The following SLC9A9 variants were observed in gnomAD, a reference collection of about 807,000 sequenced individuals.
SLC9A9 encodes solute carrier family 9 member A9, also known as sodium/hydrogen exchanger 9.
SLC9A9 carries 62 observed loss-of-function variants against 77.8 expected under a neutral mutation model. The observed-to-expected ratio is 0.80, with a 90% CI of 0.65 to 0.98. SLC9A9 has a LOEUF of 0.98. Ranked by LOEUF, SLC9A9 falls within the 50% of genes least tolerant of loss-of-function variation. SLC9A9 has a pLI of 0.00. For synonymous variants in SLC9A9, 320 were observed against 283.5 expected (o/e 1.13, Z -1.29); for missense variants, 775 against 774.9 (o/e 1.00, Z 0.00).
intron 6 of SLC9A9, among the ~76,000 whole-genome samples, chr3:143,628,937 A>G (rs1043500928): frequency 3.3e-5 from 5 of 152,190 alleles, no homozygotes; most frequent in Non-Finnish European, 1.5e-5. Context: ...AATGTAGTTC[A>G]GTTAAGTATA....
intron 4 of SLC9A9, among the ~76,000 whole-genome samples, chr3:143,752,735 G>A (rs1394646542): frequency 1.4e-5 from 2 of 147,848 alleles, no homozygotes; most frequent in East Asian, 2.0e-4. Context: ...GCTTTGTACT[G>A]AGCTTAAGGC....
rs1376601112 is a variant in SLC9A9, at chr3:143,848,417, GAAGA to G, written c.-99_-96del. On this transcript the variant is annotated 5_prime_UTR_variant, in exon 1 of 16. Transcript: ENST00000316549. ...ACAGTCTGACTGCCTGAGAATTTCA[GAAGA>G]AACACTGCCACTTTAGTTGCTACTT... 14 of 1,522,906 alleles carry G rather than the reference GAAGA, an allele frequency of 9.2e-6. No individual in the cohort carries two copies. Among genetic ancestry groups the G allele is most frequent in the Non-Finnish European group, 1.3e-5 (14 of 1,100,440 alleles). The allele number at this position is 1,522,906 out of a possible 1,614,324, so 94.3% of individuals were successfully genotyped here. A position where few individuals can be genotyped will look rare whatever the true frequency, so the allele number is the denominator to read the frequency against.
Position 143,467,018 on chromosome 3 carries a change from G to T in SLC9A9, c.1469+19C>A. On this transcript the variant is annotated intron_variant, in intron 12 of 15. Transcript: ENST00000316549. ...GCCATGCCTCATAATGATTTCCTTTGCTAGACGGTGTCACTCACCTGATCT... is the reference window on the plus strand; with the variant it reads ...GCCATGCCTCATAATGATTTCCTTTTCTAGACGGTGTCACTCACCTGATCT... 2 of 1,611,382 alleles carry T rather than the reference G, an allele frequency of 1.2e-6. 1 individual carries two copies. The highest frequency in any genetic ancestry group is 2.2e-5 in the South Asian group (2 of 90,454).
chr3:143,474,020 G>A (rs1298963621), intron 11 of SLC9A9, among the ~76,000 whole-genome samples: 1 of 152,072 alleles, frequency 6.6e-6, no homozygotes, highest in South Asian at 2.1e-4. Flanking sequence ...GTGAGGGGAG[G>A]GATGTTAGCA....
intron 12 of SLC9A9, among the ~76,000 whole-genome samples, chr3:143,430,366 T>C (rs2034490173): frequency 6.6e-6 from 1 of 152,214 alleles, no homozygotes; most frequent in South Asian, 2.1e-4. Context: ...CAGAAGTGAC[T>C]GCCAGAGTCC....
rs1390727650 is a variant in SLC9A9 at position 143,670,676 on chromosome 3, C to T, written c.650-18316G>A. Among the ~76,000 whole-genome samples the T allele has an allele frequency of 3.3e-5, 5 of 152,288 alleles. No homozygotes were observed. In the South Asian group the frequency reaches 6.2e-4, roughly 19 times the overall value. ...ACCTTAAGCTTTCTCAGAGCCTTCT[C>T]CCCACCAGGTGGTACTCTGTGTTTA... On this transcript the variant is annotated intron_variant, in intron 5 of 15. Coordinates refer to ENST00000316549, the MANE Select transcript of SLC9A9 (RefSeq NM_173653.4).
intron 6 of SLC9A9, among the ~76,000 whole-genome samples, chr3:143,615,449 G>A (rs926685435): frequency 1.3e-5 from 2 of 152,070 alleles, no homozygotes; most frequent in African/African-American, 2.4e-5. Flanking sequence ...TGGCCCAGAC[G>A]GTATCTTGCC....
At chr3:143,638,252 C>A (rs2038558627) in intron 6 of SLC9A9, among the ~76,000 whole-genome samples, 1 of 152,152 alleles carries the variant, frequency 6.6e-6, no homozygotes, top group Non-Finnish European at 1.5e-5. Context: ...GTCATTAGAT[C>A]AAATTTGACC....
intron 13 of SLC9A9, among the ~76,000 whole-genome samples, chr3:143,378,155 A>C (rs1372286833): frequency 6.6e-6 from 1 of 152,184 alleles, no homozygotes; most frequent in Admixed American, 6.5e-5. Flanking sequence ...TTTTCTTATC[A>C]GTGTCCCCCA....
chr3:143,830,561 AC>A (rs2009409423), intron 2 of SLC9A9, among the ~76,000 whole-genome samples: 1 of 152,216 alleles, frequency 6.6e-6, no homozygotes, highest in Non-Finnish European at 1.5e-5. Flanking sequence ...TGCTACAGCA[AC>A]AAGGATAATT....
intron 1 of SLC9A9, among the ~76,000 whole-genome samples, chr3:143,834,081 T>C (rs2009506026): frequency 6.6e-6 from 1 of 152,208 alleles, no homozygotes; most frequent in African/African-American, 2.4e-5. Flanking sequence ...TGTTGAGAAC[T>C]AATCAGAGTG....
chr3:143,285,770 G>A (rs963076280), intron 14 of SLC9A9, among the ~76,000 whole-genome samples: 9 of 152,134 alleles, frequency 5.9e-5, no homozygotes, highest in South Asian at 2.1e-4. Flanking sequence ...TTTCTATGGC[G>A]GGGAGGGGTT....
At chr3:143,497,291 C>T (rs1178873881) in intron 9 of SLC9A9, among the ~76,000 whole-genome samples, 4 of 152,116 alleles carry the variant, frequency 2.6e-5, no homozygotes, top group Non-Finnish European at 4.4e-5. Flanking sequence ...TCTTTAATGG[C>T]CTTACTCCAA....
intron 9 of SLC9A9, among the ~76,000 whole-genome samples, chr3:143,507,250 C>T (rs1036787643): frequency 6.6e-6 from 1 of 151,786 alleles, no homozygotes; most frequent in Admixed American, 6.6e-5. Flanking sequence ...CTCTGTCACC[C>T]AGGCTGGAGT....
chr3:143,601,761 G>A (rs1467443861), intron 6 of SLC9A9, among the ~76,000 whole-genome samples: 1 of 152,224 alleles, frequency 6.6e-6, no homozygotes, highest in Non-Finnish European at 1.5e-5. Context: ...TACATCAGAT[G>A]AAATGTGAAC....
chr3:143,811,569 G>A (rs868595783), intron 2 of SLC9A9, among the ~76,000 whole-genome samples: 10 of 152,030 alleles, frequency 6.6e-5, no homozygotes, highest in African/African-American at 1.9e-4. Flanking sequence ...TCACTGGCCC[G>A]GCACAGTGGC....
chr3:143,270,236 T>C (rs540785844), intron 14 of SLC9A9, among the ~76,000 whole-genome samples: 2 of 152,222 alleles, frequency 1.3e-5, no homozygotes, highest in South Asian at 2.1e-4. Flanking sequence ...ATCTTGTAAA[T>C]ATATCTACAA....
At chr3:143,658,060 T>C (rs2038921838) in intron 5 of SLC9A9, among the ~76,000 whole-genome samples, 1 of 151,954 alleles carries the variant, frequency 6.6e-6, no homozygotes. Flanking sequence ...AGAGATGGAG[T>C]TTCACCATCT....
chr3:143,343,123 C>A (rs563128047), intron 14 of SLC9A9, among the ~76,000 whole-genome samples: 1 of 152,110 alleles, frequency 6.6e-6, no homozygotes, highest in Non-Finnish European at 1.5e-5. Flanking sequence ...AGTTTAGACA[C>A]CCAGAGGAGG....
Sources: allele counts gnomAD v4.1 joint callset (sites outside exome capture counted in the v4.1 genomes callset), GRCh38; gene constraint gnomAD v4.1.1; transcripts MANE v1.5; gene names NCBI Gene and HGNC (gene_info 2026-07-23, HGNC 2026-07-21).